FOXP1: variants seen among roughly 807,000 people sequenced by gnomAD.
FOXP1 encodes the protein forkhead box P1.
FOXP1 carries 15 observed loss-of-function variants against 98.2 expected under a neutral mutation model. That is an observed-to-expected ratio of 0.15 (90% confidence interval 0.10 to 0.24). The LOEUF is 0.24. FOXP1 is among the 10% of genes least tolerant of loss of function. The pLI, the probability that FOXP1 is intolerant of heterozygous loss-of-function variation, is 1.00. For synonymous variants in FOXP1, 371 were observed against 314.5 expected, an observed-to-expected ratio of 1.18 and a Z score of -1.90; for missense variants, 633 against 848.5, an observed-to-expected ratio of 0.75 and a Z score of 3.15.
intron 3 of FOXP1, among the ~76,000 whole-genome samples, chr3:71,389,122 G>A (rs1208722234): frequency 6.6e-6 from 1 of 151,534 alleles, no homozygotes; most frequent in Non-Finnish European, 1.5e-5. Flanking sequence ...CATATCTTGA[G>A]GCAACATTCC....
At chr3:71,439,494 T>C (rs1262983007) in intron 3 of FOXP1, among the ~76,000 whole-genome samples, 2 of 152,168 alleles carry the variant, frequency 1.3e-5, no homozygotes, top group Non-Finnish European at 1.5e-5. Context: ...GAATATTCCC[T>C]AGAGAACTGA....
chr3:71,306,631 CAAAAAAAAAA>C (rs66479255), intron 4 of FOXP1, among the ~76,000 whole-genome samples: 1 of 42,834 alleles, frequency 2.3e-5, no homozygotes, highest in Non-Finnish European at 4.2e-5. Context: ...GAGAATAAGC[CAAAAAAAAAA>C]AAAAAAAAAA....
At chr3:71,360,805 A>G (rs2078508175) in intron 3 of FOXP1, 1 of 152,144 alleles carries the variant, frequency 6.6e-6, no homozygotes, top group South Asian at 2.1e-4. Context: ...TTTTTAACCT[A>G]CTCAGATGGA....
intron 12 of FOXP1, among the ~76,000 whole-genome samples, chr3:71,014,823 G>A (rs2044203672): frequency 1.3e-5 from 2 of 152,184 alleles, no homozygotes; most frequent in Non-Finnish European, 2.9e-5. Flanking sequence ...AAAAAAGGAT[G>A]AGTTCATGTC....
chr3:71,132,630 C>A (rs1338553716), intron 6 of FOXP1, among the ~76,000 whole-genome samples: 2 of 152,184 alleles, frequency 1.3e-5, no homozygotes, highest in Non-Finnish European at 2.9e-5. Flanking sequence ...CCCTCTGGGA[C>A]TGCAAAGCAA....
chr3:71,331,219 AC>A (rs1005907570), intron 4 of FOXP1, among the ~76,000 whole-genome samples: 4 of 152,080 alleles, frequency 2.6e-5, no homozygotes, highest in African/African-American at 9.7e-5. Flanking sequence ...GCGGCCCCGC[AC>A]TTGGAGTGGC....
chr3:71,480,223 A>G (rs773462935), intron 3 of FOXP1, among the ~76,000 whole-genome samples: 5 of 152,234 alleles, frequency 3.3e-5, no homozygotes, highest in Admixed American at 6.5e-5. Flanking sequence ...AAAAAACCCC[A>G]AAACTAAACA....
intron 11 of FOXP1, among the ~76,000 whole-genome samples, chr3:71,029,648 C>T (rs902080560): frequency 3.3e-5 from 5 of 152,214 alleles, no homozygotes; most frequent in African/African-American, 1.2e-4. Flanking sequence ...GCCTCGGCCT[C>T]CCAAAGTGCT....
intron 5 of FOXP1, among the ~76,000 whole-genome samples, chr3:71,223,196 C>T (rs1379515802): frequency 6.6e-6 from 1 of 152,204 alleles, no homozygotes; most frequent in Non-Finnish European, 1.5e-5. Context: ...AACAGGTCTC[C>T]TGTATAATTT....
intron 7 of FOXP1, among the ~76,000 whole-genome samples, chr3:71,096,900 A>G (rs2056509754): frequency 6.6e-6 from 1 of 152,056 alleles, no homozygotes; most frequent in African/African-American, 2.4e-5. Context: ...TCACCATTAC[A>G]CCTATCTTAA....
intron 3 of FOXP1, among the ~76,000 whole-genome samples, chr3:71,492,983 T>C (rs1362178461): frequency 2.0e-5 from 3 of 152,200 alleles, no homozygotes; most frequent in Non-Finnish European, 2.9e-5. Flanking sequence ...TCCTTTGGCT[T>C]TCTCATAAGT....
At chr3:71,197,949 C>T (rs374415883) in intron 6 of FOXP1, 24 of 1,614,082 alleles carry the variant, frequency 1.5e-5, no homozygotes, top group African/African-American at 1.3e-4. Context: ...CACTCATCTT[C>T]GTCTCAGCAA....
intron 13 of FOXP1, 41 bp from the exon 14 acceptor site, chr3:70,988,118 A>G (rs375353596): frequency 6.4e-7 from 1 of 1,558,728 alleles, no homozygotes; most frequent in African/African-American, 1.4e-5. Context: ...CTGAATAAAG[A>G]TGCATGGCTC....
At chr3:71,167,197 G>C (rs2108188430) in intron 6 of FOXP1, among the ~76,000 whole-genome samples, 1 of 152,256 alleles carries the variant, frequency 6.6e-6, no homozygotes, top group African/African-American at 2.4e-5. Flanking sequence ...AGCAGAGCCT[G>C]GAGAAGCCCG....
intron 7 of FOXP1, among the ~76,000 whole-genome samples, chr3:71,056,860 A>G (rs1370686475): frequency 6.6e-6 from 1 of 152,244 alleles, no homozygotes; most frequent in Non-Finnish European, 1.5e-5. Context: ...GGCTTTAAAT[A>G]GTTAAGAATT....
chr3:71,354,226 T>C (rs2078002669), intron 4 of FOXP1, among the ~76,000 whole-genome samples: 1 of 149,994 alleles, frequency 6.7e-6, no homozygotes, highest in Non-Finnish European at 1.5e-5. Flanking sequence ...TATGGTGAGC[T>C]GAGATTGCGC....
At chr3:71,388,549 G>A (rs189034172) in intron 3 of FOXP1, among the ~76,000 whole-genome samples, 5 of 152,074 alleles carry the variant, frequency 3.3e-5, no homozygotes, top group East Asian at 3.9e-4. Flanking sequence ...TTGTAACACC[G>A]GTTATTATTT....
At position 71,568,527 on chromosome 3, in the gene FOXP1, C is replaced by T. The variant is rs555678743; in HGVS notation, c.-298+13022G>A. On this transcript the variant is annotated intron_variant, in intron 2 of 20. Transcript: ENST00000649528. ...GAAGAGCCCCACCCTTGGTTTAATGCTCTGCCATCACCTTCTTGAAATACT... is the reference window on the plus strand; with the variant it reads ...GAAGAGCCCCACCCTTGGTTTAATGTTCTGCCATCACCTTCTTGAAATACT... Among the ~76,000 whole-genome samples, 6 of 152,316 alleles carry T rather than the reference C, an allele frequency of 3.9e-5. No homozygotes were observed. The South Asian group carries it at 8.3e-4, about 21-fold the overall frequency.
intron 6 of FOXP1, among the ~76,000 whole-genome samples, chr3:71,161,685 A>G (rs1174766174): frequency 6.6e-6 from 1 of 152,232 alleles, no homozygotes. Flanking sequence ...TCAATTTCCT[A>G]AGAAACAGGG....
Sources: allele counts gnomAD v4.1 joint callset (sites outside exome capture counted in the v4.1 genomes callset), GRCh38; gene constraint gnomAD v4.1.1; transcripts MANE v1.5; gene names NCBI Gene and HGNC (gene_info 2026-07-23, HGNC 2026-07-21).